SIAH3: variants seen among roughly 807,000 people sequenced by gnomAD.
SIAH3 encodes siah E3 ubiquitin protein ligase family member 3, also known as seven in absentia homolog 3.
In SIAH3, 9 loss-of-function variants were observed where a neutral mutation model predicts 12.6. The ratio of observed to expected loss-of-function variants is 0.72; its 90% confidence interval spans 0.43 to 1.25. The LOEUF is 1.25. SIAH3 is among the 50% of genes most tolerant of loss of function. SIAH3 has a pLI of 0.00. For synonymous variants in SIAH3, 154 were observed against 151.1 expected, an observed-to-expected ratio of 1.02 and a Z score of -0.14; for missense variants, 390 against 365.4, an observed-to-expected ratio of 1.07 and a Z score of -0.55.
intron 1 of SIAH3, among the ~76,000 whole-genome samples, chr13:45,822,272 GA>G: frequency 6.6e-6 from 1 of 151,988 alleles, no homozygotes; most frequent in Non-Finnish European, 1.5e-5. Context: ...TGTGATCTGG[GA>G]ACTTGTTCTT....
chr13:45,830,805 G>C (rs978821660), intron 1 of SIAH3, among the ~76,000 whole-genome samples: 9 of 148,518 alleles, frequency 6.1e-5, no homozygotes, highest in African/African-American at 2.0e-4. Flanking sequence ...ACCTCTGAGT[G>C]GTCCTAGAAG....
intron 1 of SIAH3, among the ~76,000 whole-genome samples, chr13:45,813,869 C>T (rs1950624575): frequency 1.3e-5 from 2 of 152,080 alleles, no homozygotes; most frequent in African/African-American, 2.4e-5. Flanking sequence ...AACCCACCTA[C>T]CTCCCAAAGC....
intron 1 of SIAH3, among the ~76,000 whole-genome samples, chr13:45,831,186 A>G (rs1319363122): frequency 3.0e-5 from 4 of 131,978 alleles, no homozygotes. Flanking sequence ...CTCAAAATAA[A>G]TAAATAAATA....
chr13:45,797,762 G>T (rs192565474), intron 1 of SIAH3, among the ~76,000 whole-genome samples: 1 of 152,188 alleles, frequency 6.6e-6, no homozygotes, highest in Non-Finnish European at 1.5e-5. Flanking sequence ...AGACCCACTC[G>T]TCCTTGCCCA....
intron 1 of SIAH3, among the ~76,000 whole-genome samples, chr13:45,804,963 A>AACAC (rs56315825): frequency 0.093 from 12,565 of 135,754 alleles, 661 homozygotes; most frequent in Admixed American, 0.14. Context: ...TCCCATTTAT[A>AACAC]ACACACACAC....
chr13:45,831,219 T>TAAATA lies in SIAH3; in HGVS notation c.135+20271_135+20275dup, dbSNP rs1555259209. Among the ~76,000 whole-genome samples the TAAATA allele has an allele frequency of 2.4e-3, 339 of 140,496 alleles. 1 individual carries two copies. The highest frequency in any genetic ancestry group is 9.6e-3 in the African/African-American group (327 of 33,914). The allele number at this position is 140,496 out of a possible 152,430, so 92.2% of individuals were successfully genotyped here. A position where few individuals can be genotyped will look rare whatever the true frequency, so the allele number is the denominator to read the frequency against. ...ATAAATAAATAAATAAATAAATAAA[T>TAAATA]AAATAAAATAAAAAAATGAATCGTC... On this transcript the variant is annotated intron_variant, in intron 1 of 1. Transcript: ENST00000400405.
Sources: gnomAD v4.1 joint callset for allele counts (sites outside exome capture counted in the v4.1 genomes callset) on GRCh38, gnomAD v4.1.1 for gene constraint, MANE v1.5 for transcripts, NCBI Gene and HGNC (gene_info 2026-07-23, HGNC 2026-07-21) for gene names.